Variants in LARP6 observed in about 807,000 individuals in gnomAD.
The protein encoded by LARP6 is la-related protein 6.
Under a neutral mutation model 32.8 loss-of-function variants are expected in LARP6, and 18 were observed. That is an observed-to-expected ratio of 0.55 (90% CI 0.38 to 0.81). The LOEUF is 0.81. Ranked by LOEUF, LARP6 falls within the 40% of genes least tolerant of loss-of-function variation. The pLI, the probability that LARP6 is intolerant of heterozygous loss-of-function variation, is 0.00. For missense variants in LARP6, 598 were observed against 663.1 expected, an observed-to-expected ratio of 0.90 and a Z score of 1.08; for synonymous variants, 289 against 267.2, an observed-to-expected ratio of 1.08 and a Z score of -0.80.
chr15:70,832,223 C>A lies in LARP6; in HGVS notation c.1305G>T (p.Arg435Ser). The A allele has an allele frequency of 6.2e-7, 1 of 1,613,882 alleles. No homozygotes were observed. Among genetic ancestry groups the A allele is most frequent in the Non-Finnish European group, 8.5e-7 (1 of 1,179,902 alleles). The change falls in exon 3 of 3, where the codon AGG (arginine) becomes AGT (serine). Residue 435 changes from arginine to serine, a missense_variant. Arg to Ser is a moderately radical substitution (Grantham distance 110, BLOSUM62 -1). Coordinates refer to ENST00000299213, the MANE Select transcript of LARP6 (RefSeq NM_018357.4). ...VTPSGSPWVR[R>S]RRQAEMGTQE... ...GGGTCCCCATCTCGGCTTGGCGACG[C>A]CTCCGGACCCAGGGGCTGCCAGAGG...
chr15:70,853,702 C>T (rs2032554556), intron 1 of LARP6, among the ~76,000 whole-genome samples, 187 bp downstream of exon 1: 1 of 152,150 alleles, frequency 6.6e-6, no homozygotes, highest in East Asian at 1.9e-4. Flanking sequence ...AAGCTGCGGG[C>T]TGGGGCACCG....
At chr15:70,847,731 A>G (rs2141057694) in intron 1 of LARP6, among the ~76,000 whole-genome samples, 1 of 152,296 alleles carries the variant, frequency 6.6e-6, no homozygotes, top group African/African-American at 2.4e-5. Flanking sequence ...TAAAATATCG[A>G]ATCTGGTTAC....
chr15:70,846,079 C>G (rs1026487920), intron 1 of LARP6, among the ~76,000 whole-genome samples: 2 of 152,122 alleles, frequency 1.3e-5, no homozygotes, highest in Non-Finnish European at 2.9e-5. Context: ...ATATTTGTAG[C>G]CCTTTTTACT....
At chr15:70,851,686 C>G (rs1193922052) in intron 1 of LARP6, 1 of 1,614,014 alleles carries the variant, frequency 6.2e-7, no homozygotes, top group Non-Finnish European at 8.5e-7. Context: ...ATGAACGAAG[C>G]AAGCATGGTC....
At chr15:70,844,739 T>A (rs1230479642) in intron 1 of LARP6, among the ~76,000 whole-genome samples, 3 of 152,224 alleles carry the variant, frequency 2.0e-5, no homozygotes, top group Non-Finnish European at 4.4e-5. Flanking sequence ...ACAGAATTTT[T>A]AAATTTTAGT....
At position 70,836,353 on chromosome 15, in the gene LARP6, T is replaced by C; in HGVS notation, c.353A>G (p.His118Arg). 1 of 1,614,144 alleles carries C rather than the reference T, an allele frequency of 6.2e-7. No homozygotes were observed. The highest frequency in any genetic ancestry group is 1.1e-5 in the South Asian group (1 of 91,080). ...NLEKDAFLLK[H>R]VRRNKLGYVS... Reference sequence around the variant, plus strand: ...ATATCCCAGCTTGTTCCTCCTCACGTGTTTTAGCAAAAAGGCGTCCTTCTC... The same window carrying C: ...ATATCCCAGCTTGTTCCTCCTCACGCGTTTTAGCAAAAAGGCGTCCTTCTC... The change falls in exon 2 of 3, where the codon CAC becomes CGC. Residue 118 changes from histidine to arginine, a missense_variant. By Grantham distance (29) the His-to-Arg change is conservative (BLOSUM62 0). This residue lies in a region of LARP6 where 69 missense variants were observed against 116.7 expected (regional missense o/e 0.59). Coordinates refer to ENST00000299213, the MANE Select transcript of LARP6 (RefSeq NM_018357.4).
chr15:70,836,684 T>C (rs1358413324), intron 1 of LARP6, among the ~76,000 whole-genome samples, 179 bp from the exon 2 acceptor site: 2 of 152,108 alleles, frequency 1.3e-5, no homozygotes, highest in East Asian at 1.9e-4. Flanking sequence ...GACCCCCTAA[T>C]CCAACACAAC....
rs1419146468 is a variant in LARP6, at chr15:70,836,496, A to T, written c.210T>A (p.Thr70=). 2.5e-6 allele frequency: 4 copies of T among 1,614,008 alleles called. No homozygotes were observed. In the East Asian group the frequency reaches 8.9e-5, roughly 36 times the overall value. Residue 70 remains threonine (T), a synonymous_variant, in exon 2 of 3, where the codon ACT becomes ACA. Transcript: ENST00000299213. The stretch of plus-strand genomic sequence containing the variant: ...CACGCTCGTTCTCACCTCCACTTGC[A>T]GTGGTGCCACTGAGACCAGAAGGAG... ...EEPSRGHSGT[T]ASGGENERED...
rs563387120 is a variant in LARP6 at position 70,843,813 on chromosome 15, G to A, written c.201-7308C>T. ...TGGGATTACAGGCGCACGCTGCCAC[G>A]CCCGGCTAATTTTTTGTATTTTAGT... is the stretch of plus-strand genomic sequence containing the variant. On this transcript the variant is annotated intron_variant, in intron 1 of 2. Transcript: ENST00000299213. Among the ~76,000 whole-genome samples the A allele has an allele frequency of 6.6e-5, 10 of 150,722 alleles. No individual in the cohort carries two copies. The South Asian group carries it at 1.5e-3, about 22-fold the overall frequency.
intron 1 of LARP6, among the ~76,000 whole-genome samples, chr15:70,844,259 A>G (rs1042293557): frequency 3.3e-5 from 5 of 152,070 alleles, no homozygotes; most frequent in African/African-American, 1.2e-4. Context: ...GCCCGGCCCT[A>G]TTTGTGTTTT....
intron 1 of LARP6, chr15:70,849,674 C>G (rs2032413993): frequency 6.6e-6 from 1 of 152,158 alleles, no homozygotes; most frequent in Non-Finnish European, 1.5e-5. Context: ...AGGGGGTCTG[C>G]TGGCTGCAAT....
intron 1 of LARP6, among the ~76,000 whole-genome samples, chr15:70,839,326 G>C (rs934584755): frequency 2.0e-5 from 3 of 151,940 alleles, no homozygotes; most frequent in Non-Finnish European, 4.4e-5. Flanking sequence ...TGTAATCCCA[G>C]CTACTTGGAA....
chr15:70,842,819 C>A (rs964530281), intron 1 of LARP6, among the ~76,000 whole-genome samples: 2 of 152,116 alleles, frequency 1.3e-5, no homozygotes, highest in African/African-American at 4.8e-5. Flanking sequence ...AACCCCTATA[C>A]GAGTGCAGAG....
Position 70,832,204 on chromosome 15 carries a change from C to T in LARP6, c.1324G>A (p.Gly442Arg). The T allele has an allele frequency of 1.9e-6, 3 of 1,614,046 alleles. No homozygotes were observed. Among genetic ancestry groups the T allele is most frequent in the Non-Finnish European group, 2.5e-6 (3 of 1,179,962 alleles). ...WVRRRRQAEM[G>R]TQEKSPGTSP... ...GTACCGGGGCTTTTCTCCTGGGTCC[C>T]CATCTCGGCTTGGCGACGCCTCCGG... The change falls in exon 3 of 3, where the codon GGG (glycine) becomes AGG (arginine). Residue 442 changes from glycine to arginine, a missense_variant. Physicochemically the swap from Gly to Arg is moderately radical, Grantham distance 125. Coordinates refer to ENST00000299213, the MANE Select transcript of LARP6 (RefSeq NM_018357.4).
intron 1 of LARP6, among the ~76,000 whole-genome samples, chr15:70,838,087 C>T (rs1421395557): frequency 2.0e-5 from 3 of 152,024 alleles, no homozygotes; most frequent in Non-Finnish European, 4.4e-5. Context: ...GCAAAGGTGT[C>T]GCTATCTCAG....
chr15:70,838,845 G>T (rs149374906), intron 1 of LARP6, among the ~76,000 whole-genome samples: 1 of 145,632 alleles, frequency 6.9e-6, no homozygotes, highest in Non-Finnish European at 1.5e-5. Flanking sequence ...TACTGTGATC[G>T]CTTAAAGCTG....
In LARP6 at chr15:70,836,353, T is replaced by A. The variant is rs2032146492; in HGVS notation, c.353A>T (p.His118Leu). The A allele has an allele frequency of 1.2e-6, 2 of 1,614,144 alleles. No individual in the cohort carries two copies. The highest frequency in any genetic ancestry group is 1.7e-6 in the Non-Finnish European group (2 of 1,180,010). Residue 118 changes from histidine to leucine, a missense_variant, in exon 2 of 3, where the codon CAC becomes CTC. His to Leu is a moderately conservative substitution (Grantham distance 99). Coordinates refer to ENST00000299213, the MANE Select transcript of LARP6 (RefSeq NM_018357.4). ...NLEKDAFLLK[H>L]VRRNKLGYVS... ...ATATCCCAGCTTGTTCCTCCTCACG[T>A]GTTTTAGCAAAAAGGCGTCCTTCTC...
chr15:70,832,590 C>T lies in LARP6; in HGVS notation c.938G>A (p.Ser313Asn), dbSNP rs777873011. 1.3e-6 allele frequency: 2 copies of T among 1,593,190 alleles called. No individual in the cohort carries two copies. The highest frequency in any genetic ancestry group is 1.7e-6 in the Non-Finnish European group (2 of 1,171,624). The change falls in exon 3 of 3, where the codon AGC (serine) becomes AAC (asparagine). Residue 313 changes from serine to asparagine, a missense_variant. Ser to Asn is a conservative substitution (Grantham distance 46). This residue lies in a region of LARP6 where 368 missense variants were observed against 397.9 expected (regional missense o/e 0.92). Coordinates refer to ENST00000299213, the MANE Select transcript of LARP6 (RefSeq NM_018357.4). ...DKNHDEEPTA[S>N]IHLNKSLNKR... is the part of the protein sequence containing the mutation. ...GTTCAGGGACTTGTTCAGGTGGATG[C>T]TCGCAGTGGGCTCCTCGTCATGATT...
chr15:70,840,496 C>A (rs922559808), intron 1 of LARP6, among the ~76,000 whole-genome samples: 9 of 152,088 alleles, frequency 5.9e-5, no homozygotes, highest in African/African-American at 2.2e-4. Flanking sequence ...GCCGGGATCG[C>A]GCCACTGCAC....
Sources: allele counts gnomAD v4.1 joint callset (sites outside exome capture counted in the v4.1 genomes callset), GRCh38; gene constraint gnomAD v4.1.1; regional missense constraint gnomAD v4.1.1; transcripts MANE v1.5; gene names NCBI Gene and HGNC (gene_info 2026-07-23, HGNC 2026-07-21).